QTGAL: variants seen among roughly 807,000 people sequenced by gnomAD.
QTGAL encodes queuosine-tRNA galactosyltransferase.
the QTGAL span, among the ~76,000 whole-genome samples, chr17:83,031,920 C>T: frequency 6.6e-6 from 1 of 152,272 alleles, no homozygotes; most frequent in Non-Finnish European, 1.5e-5. Flanking sequence ...GATGTTCACT[C>T]TCGTCCTCAT....
At chr17:83,035,860 G>T in the QTGAL span, among the ~76,000 whole-genome samples, 1 of 131,536 alleles carries the variant, frequency 7.6e-6, no homozygotes, top group African/African-American at 2.6e-5. Flanking sequence ...GACCCTCGGA[G>T]GGCGGTTTGC....
the QTGAL span, among the ~76,000 whole-genome samples, chr17:82,975,336 C>CT: frequency 1.2e-4 from 1 of 8,064 alleles, no homozygotes; most frequent in Admixed American, 8.3e-4. Flanking sequence ...CCAGAGGCCA[C>CT]TATGGAGAGT....
At chr17:82,952,912 T>A in the QTGAL span, among the ~76,000 whole-genome samples, 1 of 152,180 alleles carries the variant, frequency 6.6e-6, no homozygotes, top group African/African-American at 2.4e-5. Context: ...CAGAACTACA[T>A]GGAAACTGAA....
At chr17:82,974,680 C>T in the QTGAL span, among the ~76,000 whole-genome samples, 1 of 152,184 alleles carries the variant, frequency 6.6e-6, no homozygotes, top group Admixed American at 6.5e-5. Context: ...GCGGGTGTCC[C>T]TGGCCCCACA....
chr17:83,051,119 CAGGAGCGCGGGG>C, the QTGAL span, among the ~76,000 whole-genome samples: 1 of 105,424 alleles, frequency 9.5e-6, no homozygotes, highest in African/African-American at 3.9e-5. Flanking sequence ...GGGGGCGAGT[CAGGAGCGCGGGG>C]CACGTGTGTG....
At chr17:82,998,640 T>C in the QTGAL span, among the ~76,000 whole-genome samples, 1 of 152,156 alleles carries the variant, frequency 6.6e-6, no homozygotes, top group Non-Finnish European at 1.5e-5. Context: ...CCACCATGCC[T>C]GGCCCAAAAA....
At chr17:83,018,748 C>T in the QTGAL span, among the ~76,000 whole-genome samples, 20 of 152,196 alleles carry the variant, frequency 1.3e-4, no homozygotes, top group Admixed American at 3.3e-4. Flanking sequence ...CCTACCATCT[C>T]GAAGCCATGG....
At chr17:83,015,694 G>A in the QTGAL span, among the ~76,000 whole-genome samples, 2 of 152,216 alleles carry the variant, frequency 1.3e-5, no homozygotes, top group Non-Finnish European at 2.9e-5. The surrounding 1 kb of genome is among the most constrained non-coding windows in gnomAD (Gnocchi z 4.4). Flanking sequence ...CCGGGCGAGC[G>A]TCACGGCCTG....
the QTGAL span, chr17:83,051,675 CG>C: frequency 2.2e-6 from 3 of 1,379,426 alleles, no homozygotes; most frequent in Admixed American, 2.9e-5. Flanking sequence ...GACTGGAGGG[CG>C]GGGTGAGGGG....
At chr17:82,945,607 G>T in the QTGAL span, 1 of 152,172 alleles carries the variant, frequency 6.6e-6, no homozygotes, top group Non-Finnish European at 1.5e-5. Context: ...ATAAAAATAT[G>T]CCATTCTTAT....
the QTGAL span, among the ~76,000 whole-genome samples, chr17:82,986,787 C>G: frequency 7.2e-5 from 11 of 152,358 alleles, no homozygotes; most frequent in Admixed American, 4.6e-4. Context: ...ATTCAGAAAG[C>G]ATTTCATTAC....
the QTGAL span, chr17:83,006,200 G>C: frequency 1.0e-6 from 1 of 985,712 alleles, no homozygotes; most frequent in Non-Finnish European, 1.2e-6. This position sits in a 1 kb window ranked among gnomAD's most constrained non-coding sequence, Gnocchi z 5.8. Context: ...CCAAAGAGTG[G>C]TATCAGTGAG....
the QTGAL span, among the ~76,000 whole-genome samples, chr17:82,977,234 C>G: frequency 6.6e-6 from 1 of 152,218 alleles, no homozygotes; most frequent in African/African-American, 2.4e-5. Context: ...TTACAGGCCG[C>G]GAAGTCGGAA....
the QTGAL span, among the ~76,000 whole-genome samples, chr17:83,013,630 C>A: frequency 6.6e-6 from 1 of 151,622 alleles, no homozygotes; most frequent in Non-Finnish European, 1.5e-5. Context: ...GTGACCTGAC[C>A]AGGATGTGAC....
the QTGAL span, among the ~76,000 whole-genome samples, chr17:83,007,649 A>C: frequency 6.6e-6 from 1 of 151,992 alleles, no homozygotes. Context: ...CGCCTCTCGG[A>C]CGGGGGCTGA....
chr17:82,963,241 C>T, the QTGAL span, among the ~76,000 whole-genome samples: 6 of 152,242 alleles, frequency 3.9e-5, no homozygotes, highest in East Asian at 1.9e-4. Context: ...TGTGGAGACT[C>T]GGATCCTGAG....
chr17:82,960,442 C>T, the QTGAL span: 2 of 152,272 alleles, frequency 1.3e-5, no homozygotes, highest in East Asian at 1.9e-4. Flanking sequence ...GTGGCCGAGA[C>T]CTCTGTGTCC....
At chr17:82,947,210 G>C in the QTGAL span, 3 of 528,798 alleles carry the variant, frequency 5.7e-6, no homozygotes, top group Non-Finnish European at 1.0e-5. Context: ...GGCCCCCCCT[G>C]CCTTCTGGCC....
the QTGAL span, chr17:83,007,381 A>T: frequency 3.3e-6 from 2 of 613,294 alleles, no homozygotes; most frequent in Non-Finnish European, 4.1e-6. Flanking sequence ...CCTACGTACA[A>T]TTGCATCTGT....
Sources: allele counts gnomAD v4.1 joint callset (sites outside exome capture counted in the v4.1 genomes callset), GRCh38; gene constraint gnomAD v4.1.1; non-coding constraint Gnocchi (gnomAD v3.1); transcripts MANE v1.5; gene names NCBI Gene and HGNC (gene_info 2026-07-23, HGNC 2026-07-21).